TDP2: variants seen among roughly 807,000 people sequenced by gnomAD.
TDP2 encodes the protein tyrosyl-DNA phosphodiesterase 2, also known as 5'-Tyr-DNA phosphodiesterase.
Under a neutral mutation model 42.8 loss-of-function variants are expected in TDP2, and 38 were observed. That is an observed-to-expected ratio of 0.89 (90% CI 0.68 to 1.16). TDP2 has a LOEUF of 1.16. TDP2 is among the 50% of genes most tolerant of loss of function. The pLI is 0.00. For missense variants in TDP2, 439 were observed against 439.3 expected (o/e 1.00, Z 0.01); for synonymous variants, 173 against 150.6 (o/e 1.15, Z -1.09).
chr6:24,655,885 A>G (rs1412701199), intron 4 of TDP2, among the ~76,000 whole-genome samples: 1 of 152,226 alleles, frequency 6.6e-6, no homozygotes. Flanking sequence ...CAAATGAATA[A>G]GCAGTTTGCT....
At chr6:24,658,763 T>G (rs772870880) in intron 2 of TDP2, 29 bp from the exon 3 acceptor site, 2 of 1,582,080 alleles carry the variant, frequency 1.3e-6, no homozygotes, top group South Asian at 2.3e-5. Flanking sequence ...AACATGGCTT[T>G]GCAAATAATC....
intron 6 of TDP2, among the ~76,000 whole-genome samples, chr6:24,651,830 G>A (rs1440563362): frequency 6.6e-6 from 1 of 152,108 alleles, no homozygotes; most frequent in Non-Finnish European, 1.5e-5. Flanking sequence ...CAAGTGATCT[G>A]CCCACCTCGG....
Position 24,658,715 on chromosome 6 carries a change from C to T in TDP2, c.271G>A (p.Glu91Lys). 1.2e-6 allele frequency: 2 copies of T among 1,613,620 alleles called. No individual in the cohort carries two copies. Among genetic ancestry groups the T allele is most frequent in the Non-Finnish European group, 1.7e-6 (2 of 1,179,720 alleles). The part of the protein sequence containing the change: ...PKTYVDLTNE[E>K]TTDSTTSKIS... ...TTAGAAGTGGTGGAATCAGTTGTTT[C>T]TTCATTGGTTAGGTCAACACTGGCA... Residue 91 changes from glutamate (E) to lysine (K), a missense_variant, in exon 3 of 7, where the codon GAA becomes AAA. Transcript: ENST00000378198.
chr6:24,666,075 C>T lies in TDP2; in HGVS notation c.251+451G>A, dbSNP rs181264159. ...GAACTGGAGAGGGGCACTGAAATAA[C>T]AGGAGTAGGTGTGCATTAAAAAAAA... On this transcript the variant is annotated intron_variant, in intron 2 of 6. Transcript: ENST00000378198. 8.5e-6 allele frequency: 13 copies of T among 1,527,734 alleles called. No homozygotes were observed. In the East Asian group the frequency reaches 1.2e-4, roughly 14 times the overall value. 94.6% of individuals were successfully genotyped at this position (1,527,734 alleles called of 1,614,324 possible). A position where few individuals can be genotyped will look rare whatever the true frequency, so the allele number is the denominator to read the frequency against.
chr6:24,660,815 C>CATCA (rs1778134019), intron 2 of TDP2, among the ~76,000 whole-genome samples: 2 of 152,128 alleles, frequency 1.3e-5, no homozygotes, highest in South Asian at 4.1e-4. Flanking sequence ...ATGACTCTGA[C>CATCA]ATTTTTGAAG....
At chr6:24,651,330 T>G (rs1249098762) in intron 6 of TDP2, among the ~76,000 whole-genome samples, 1 of 152,172 alleles carries the variant, frequency 6.6e-6, no homozygotes, top group Non-Finnish European at 1.5e-5. Context: ...CAGATAAAAC[T>G]TAGAAGGCTG....
At chr6:24,656,274 G>A (rs1778059999) in intron 4 of TDP2, among the ~76,000 whole-genome samples, 1 of 152,072 alleles carries the variant, frequency 6.6e-6, no homozygotes, top group Non-Finnish European at 1.5e-5. Flanking sequence ...AAGTAGAACA[G>A]TCAATAGAGA....
intron 2 of TDP2, 159 bp from the exon 3 acceptor site, chr6:24,658,893 G>A (rs1778098527): frequency 1.5e-6 from 1 of 688,500 alleles, no homozygotes; most frequent in Non-Finnish European, 2.4e-6. Context: ...CCAGGTTCTA[G>A]ACAGAAATAT....
At position 24,666,829 on chromosome 6, in the gene TDP2, C is replaced by G; in HGVS notation, c.34G>C (p.Glu12Gln). The G allele has an allele frequency of 6.2e-7, 1 of 1,614,120 alleles. No homozygotes were observed. The highest frequency in any genetic ancestry group is 8.5e-7 in the Non-Finnish European group (1 of 1,180,016). Reference sequence around the variant, plus strand: ...GGCTCGCCCTCTTCCTCCGCCGCCTCCCTCCCGCCCTCCAGGCAACTCCCC... The same window carrying G: ...GGCTCGCCCTCTTCCTCCGCCGCCTGCCTCCCGCCCTCCAGGCAACTCCCC... ...ELGSCLEGGREAAEEEGEPEV... is the reference protein window; with the variant it reads ...ELGSCLEGGRQAAEEEGEPEV... Residue 12 changes from glutamate to glutamine, a missense_variant, in exon 1 of 7, where the codon GAG becomes CAG. Coordinates refer to ENST00000378198, the MANE Select transcript of TDP2 (RefSeq NM_016614.3).
chr6:24,666,887 C>G lies in TDP2; in HGVS notation c.-25G>C. The G allele has an allele frequency of 1.2e-6, 2 of 1,611,950 alleles. No individual in the cohort carries two copies. The highest frequency in any genetic ancestry group is 1.7e-6 in the Non-Finnish European group (2 of 1,180,028). On this transcript the variant is annotated 5_prime_UTR_variant, in exon 1 of 7. Transcript: ENST00000378198. ...TCTTCCTGCCGCCTCTGCACCGCCC[C>G]TTTAAGCGGAACAGGAGGCCAACGC... is the stretch of plus-strand genomic sequence containing the variant.
chr6:24,650,717 A>G lies in TDP2; in HGVS notation c.*71T>C. 2 of 1,508,004 alleles carry G rather than the reference A, an allele frequency of 1.3e-6. No individual in the cohort carries two copies. The highest frequency in any genetic ancestry group is 1.8e-6 in the Non-Finnish European group (2 of 1,104,612). The allele number at this position is 1,508,004 out of a possible 1,614,324, so 93.4% of individuals were successfully genotyped here. On this transcript the variant is annotated 3_prime_UTR_variant, in exon 7 of 7. Transcript: ENST00000378198. ...TCTAGTACATTATTTCCTCCACAGC[A>G]AACCTACCTTTCCAGAAGGTGGAAA...
Position 24,666,602 on chromosome 6 carries a change from T to C in TDP2, c.175A>G (p.Asn59Asp), listed in dbSNP as rs35744230. ...TCCACCGGAGGCTCGAAGTAGGAGT[T>C]CAGAGCCCTCTGAAAAACAAAGGCA... ...ENDWEMERAL[N>D]SYFEPPVEES... Residue 59 changes from asparagine (N) to aspartate (D), a missense_variant, in exon 2 of 7, where the codon AAC becomes GAC. Transcript: ENST00000378198. 4,024 of 1,614,180 alleles carry C rather than the reference T, an allele frequency of 2.5e-3. 9 individuals are homozygous for C. Among genetic ancestry groups the C allele is most frequent in the Non-Finnish European group, 3.2e-3 (3,739 of 1,180,030 alleles).
chr6:24,656,618 T>C (rs566009990), intron 4 of TDP2, among the ~76,000 whole-genome samples: 13 of 150,504 alleles, frequency 8.6e-5, no homozygotes, highest in African/African-American at 2.0e-4. Context: ...TTCCAGAGAG[T>C]AGGGAAAAAG....
intron 2 of TDP2, chr6:24,666,264 G>C: frequency 6.5e-7 from 1 of 1,543,756 alleles, no homozygotes; most frequent in Non-Finnish European, 8.7e-7. Flanking sequence ...CCTTTCATTT[G>C]AGTTAAACAT....
rs1777958700 is a variant in TDP2, at chr6:24,650,725, C to T, written c.*63G>A. Reference sequence around the variant, plus strand: ...ATTATTTCCTCCACAGCAAACCTACCTTTCCAGAAGGTGGAAATTGTATTT... The same window carrying T: ...ATTATTTCCTCCACAGCAAACCTACTTTTCCAGAAGGTGGAAATTGTATTT... On this transcript the variant is annotated 3_prime_UTR_variant, in exon 7 of 7. Coordinates refer to ENST00000378198, the MANE Select transcript of TDP2 (RefSeq NM_016614.3). The T allele has an allele frequency of 6.5e-6, 10 of 1,536,350 alleles. No individual in the cohort carries two copies. In the South Asian group the frequency reaches 9.6e-5, roughly 15 times the overall value.
At chr6:24,665,308 A>AC (rs1778212710) in intron 2 of TDP2, among the ~76,000 whole-genome samples, 2 of 152,228 alleles carry the variant, frequency 1.3e-5, no homozygotes, top group African/African-American at 4.8e-5. Flanking sequence ...TAATTCTGAA[A>AC]CCAAGGAGAG....
intron 2 of TDP2, among the ~76,000 whole-genome samples, chr6:24,662,873 C>A (rs573865108): frequency 5.9e-5 from 9 of 152,290 alleles, no homozygotes; most frequent in African/African-American, 2.2e-4. Flanking sequence ...GCATTAAAAC[C>A]AGAAAGGAGA....
At chr6:24,652,909 T>C (rs942366936) in intron 6 of TDP2, 74 bp downstream of exon 6, 2 of 1,535,720 alleles carry the variant, frequency 1.3e-6, no homozygotes, top group East Asian at 2.3e-5. Flanking sequence ...TTTAACAGCT[T>C]TGGTCAAAGG....
intron 2 of TDP2, 144 bp from the exon 3 acceptor site, chr6:24,658,878 G>A: frequency 1.3e-6 from 1 of 755,136 alleles, no homozygotes; most frequent in Non-Finnish European, 2.1e-6. Flanking sequence ...AACAAGAATT[G>A]CATGCCAGGT....
Sources: allele counts gnomAD v4.1 joint callset (sites outside exome capture counted in the v4.1 genomes callset), GRCh38; gene constraint gnomAD v4.1.1; transcripts MANE v1.5; gene names NCBI Gene and HGNC (gene_info 2026-07-23, HGNC 2026-07-21).